The following PIWIL3 variants were observed in gnomAD, a reference collection of about 807,000 sequenced individuals.
PIWIL3 encodes the protein piwi-like protein 3.
Under a neutral mutation model 109.7 loss-of-function variants are expected in PIWIL3, and 101 were observed. The ratio of observed to expected loss-of-function variants is 0.92; its 90% CI spans 0.78 to 1.09. The LOEUF is 1.09. Ranked by LOEUF, PIWIL3 falls within the 50% of genes least tolerant of loss-of-function variation. PIWIL3 has a pLI of 0.00. For missense variants in PIWIL3, 1,031 were observed against 1,072.6 expected, an observed-to-expected ratio of 0.96 and a Z score of 0.54; for synonymous variants, 373 against 376.4, an observed-to-expected ratio of 0.99 and a Z score of 0.10.
intron 8 of PIWIL3, among the ~76,000 whole-genome samples, chr22:24,752,279 T>C (rs1032460747): frequency 2.6e-5 from 4 of 152,194 alleles, no homozygotes; most frequent in African/African-American, 9.6e-5. Flanking sequence ...GCTTACATAG[T>C]TGGATGCTGG....
At chr22:24,742,890 T>C (rs1465647847) in intron 12 of PIWIL3, among the ~76,000 whole-genome samples, 1 of 151,826 alleles carries the variant, frequency 6.6e-6, no homozygotes, top group Non-Finnish European at 1.5e-5. Context: ...CAAAGATAAA[T>C]CAATGGGACT....
intron 2 of PIWIL3, among the ~76,000 whole-genome samples, chr22:24,760,780 C>CAAAAAAAA (rs61469163): frequency 0.093 from 3,814 of 40,974 alleles, 548 homozygotes; most frequent in Non-Finnish European, 0.14. Context: ...AACTCTGTCT[C>CAAAAAAAA]AAAAAAAAAA....
At chr22:24,731,981 CT>C (rs1473923472) in intron 14 of PIWIL3, among the ~76,000 whole-genome samples, 2 of 152,150 alleles carry the variant, frequency 1.3e-5, no homozygotes, top group South Asian at 2.1e-4. Context: ...CAGGTGTTTC[CT>C]CATCATGACT....
chr22:24,734,181 A>G, intron 13 of PIWIL3, 25 bp from the exon 14 acceptor site: 1 of 1,605,010 alleles, frequency 6.2e-7, no homozygotes. Context: ...TAGCATCCAC[A>G]TCCAAAAGAT....
At chr22:24,767,428 G>A (rs1569113851) in intron 1 of PIWIL3, among the ~76,000 whole-genome samples, 1 of 151,904 alleles carries the variant, frequency 6.6e-6, no homozygotes, top group Non-Finnish European at 1.5e-5. Context: ...ATGTGTGCCT[G>A]TAATCCCAGC....
chr22:24,756,621 A>G lies in PIWIL3; in HGVS notation c.440T>C (p.Val147Ala), dbSNP rs755149397. 2 of 1,614,058 alleles carry G rather than the reference A, an allele frequency of 1.2e-6. No individual in the cohort carries two copies. The highest frequency in any genetic ancestry group is 1.7e-6 in the Non-Finnish European group (2 of 1,179,908). ...RPQWVAYKYN[V>A]DYKPDIEDGN... ...ATCTTCTATGTCTGGTTTGTAGTCA[A>G]CGTTGTATTTATATGCAACCCACTG... The change falls in exon 5 of 21, where the codon GTT (valine) becomes GCT (alanine). Residue 147 changes from valine to alanine, a missense_variant. Transcript: ENST00000616349.
rs1437088662 is a variant in PIWIL3 at position 24,744,184 on chromosome 22, A to ATT, written c.1449+4722_1449+4723insAA. Among the ~76,000 whole-genome samples, 39 of 144,348 alleles carry ATT rather than the reference A, an allele frequency of 2.7e-4. 1 individual carries two copies. The highest frequency in any genetic ancestry group is 4.5e-4 in the South Asian group (2 of 4,474). The allele number at this position is 144,348 out of a possible 152,430, so 94.7% of individuals were successfully genotyped here. A position where few individuals can be genotyped will look rare whatever the true frequency, so the allele number is the denominator to read the frequency against. On this transcript the variant is annotated intron_variant, in intron 12 of 20. Transcript: ENST00000616349. Reference sequence around the variant, plus strand: ...ATTGAAAGAGTGACCGAATTAAAAAAAAAAAAAAAAAAAAAAAAAAAAACA... The same window carrying ATT: ...ATTGAAAGAGTGACCGAATTAAAAAATTAAAAAAAAAAAAAAAAAAAAAAACA...
chr22:24,746,350 C>T (rs1443499008), intron 12 of PIWIL3, among the ~76,000 whole-genome samples: 2 of 152,126 alleles, frequency 1.3e-5, no homozygotes, highest in African/African-American at 4.8e-5. Flanking sequence ...TGCTGAGCAG[C>T]ATTTATTAAA....
rs143403523 is a variant in PIWIL3 at position 24,755,923 on chromosome 22, CA to C, written c.571-19del. The C allele has an allele frequency of 0.24, 369,422 of 1,530,784 alleles. 43,920 individuals carry two copies. Among genetic ancestry groups the C allele is most frequent in the Admixed American group, 0.43 (21,950 of 51,504 alleles). The allele number at this position is 1,530,784 out of a possible 1,614,324, so 94.8% of individuals were successfully genotyped here. On this transcript the variant is annotated intron_variant, in intron 5 of 20. Coordinates refer to ENST00000616349, the MANE Select transcript of PIWIL3 (RefSeq NM_001255975.1). ...TCCACTCTCTGAGATTAAAAAAAAACAAAAAAAAAAGTCCAGATATTCTTCC... is the reference window on the plus strand; with the variant it reads ...TCCACTCTCTGAGATTAAAAAAAAACAAAAAAAAAGTCCAGATATTCTTCC...
intron 7 of PIWIL3, 36 bp from the exon 8 acceptor site, chr22:24,754,253 C>G (rs146444606): frequency 6.4e-7 from 1 of 1,565,338 alleles, no homozygotes; most frequent in Admixed American, 1.7e-5. Flanking sequence ...AGTCCGATCT[C>G]TTCACATAAA....
chr22:24,725,127 C>CA, intron 17 of PIWIL3, 90 bp from the exon 18 acceptor site: 2 of 1,482,518 alleles, frequency 1.3e-6, no homozygotes, highest in Non-Finnish European at 1.8e-6. Context: ...CATCTTTCAA[C>CA]ACTGCAGCTT....
At chr22:24,763,457 C>A (rs909358257) in intron 1 of PIWIL3, among the ~76,000 whole-genome samples, 1 of 152,062 alleles carries the variant, frequency 6.6e-6, no homozygotes. Flanking sequence ...CGTGCCACCA[C>A]GCCTGGCTAA....
chr22:24,737,781 CT>C (rs1397887117), intron 12 of PIWIL3, among the ~76,000 whole-genome samples: 16 of 152,246 alleles, frequency 1.1e-4, no homozygotes, highest in Non-Finnish European at 1.5e-4. Flanking sequence ...GCCCATGGAC[CT>C]TAAGGGAACA....
At position 24,719,896 on chromosome 22, in the gene PIWIL3, C is replaced by G. The variant is rs1411342106; in HGVS notation, c.2358-1G>C. On this transcript the variant is annotated splice_acceptor_variant, in intron 19 of 20. Transcript: ENST00000616349. LOFTEE classifies it high-confidence loss of function. ...CTGACTCACAATAAAAAAGTCATACCTGGAAATATAGGACATGTGGGTATC... is the reference window on the plus strand; with the variant it reads ...CTGACTCACAATAAAAAAGTCATACGTGGAAATATAGGACATGTGGGTATC... 2 of 1,607,174 alleles carry G rather than the reference C, an allele frequency of 1.2e-6. No homozygotes were observed.
At chr22:24,763,293 C>G (rs1263068748) in intron 1 of PIWIL3, among the ~76,000 whole-genome samples, 1 of 150,320 alleles carries the variant, frequency 6.7e-6, no homozygotes, top group Admixed American at 6.6e-5. Flanking sequence ...CCGCACCCAG[C>G]TAGTTTTGTT....
intron 8 of PIWIL3, among the ~76,000 whole-genome samples, chr22:24,751,786 G>A (rs183140298): frequency 3.9e-5 from 6 of 152,246 alleles, no homozygotes; most frequent in East Asian, 1.9e-4. Flanking sequence ...AGCCTACTTC[G>A]TGTCTCAACA....
intron 12 of PIWIL3, among the ~76,000 whole-genome samples, chr22:24,745,046 A>T (rs908094067): frequency 6.6e-6 from 1 of 152,216 alleles, no homozygotes; most frequent in Non-Finnish European, 1.5e-5. Context: ...ACATGAAACA[A>T]AACTAGAAAT....
In PIWIL3 at chr22:24,728,322, C is replaced by T. The variant is rs779638189; in HGVS notation, c.1760G>A (p.Arg587Lys). 6.2e-7 allele frequency: 1 copy of T among 1,614,116 alleles called. No individual in the cohort carries two copies. ...AATTGGGCATTTGGTACATAGGTAT[C>T]TTTTTATGCTGTCATATCTACGTTT... is the stretch of plus-strand genomic sequence containing the variant. ...DDKRRYDSIK[R>K]YLCTKCPIPS... Residue 587 changes from arginine (R) to lysine (K), a missense_variant, in exon 15 of 21, where the codon AGA becomes AAA. By Grantham distance (26) the Arg-to-Lys change is conservative. Transcript: ENST00000616349.
chr22:24,720,259 G>GTTTTTT lies in PIWIL3; in HGVS notation c.2358-370_2358-365dup, dbSNP rs56087060. Among the ~76,000 whole-genome samples, 310 of 105,444 alleles carry GTTTTTT rather than the reference G, an allele frequency of 2.9e-3. 26 individuals carry two copies. Among genetic ancestry groups the GTTTTTT allele is most frequent in the African/African-American group, 0.01 (292 of 28,890 alleles). 69.2% of individuals were successfully genotyped at this position (105,444 alleles called of 152,430 possible). ...AGAATCACTGGACTATATTTAAACT[G>GTTTTTT]TTTTTTTTTTTTTTTTTTTTTTTTT... On this transcript the variant is annotated intron_variant, in intron 19 of 20. Transcript: ENST00000616349.
Sources: gnomAD v4.1 joint callset for allele counts (sites outside exome capture counted in the v4.1 genomes callset) on GRCh38, gnomAD v4.1.1 for gene constraint, MANE v1.5 for transcripts, NCBI Gene and HGNC (gene_info 2026-07-23, HGNC 2026-07-21) for gene names.